The following AGAP1 variants were observed in gnomAD, a reference collection of about 807,000 sequenced individuals.
AGAP1 encodes the protein arf-GAP with GTPase, ANK repeat and PH domain-containing protein 1.
Under a neutral mutation model 105.3 loss-of-function variants are expected in AGAP1, and 29 were observed. That is an observed-to-expected ratio of 0.28 (90% CI 0.21 to 0.38). AGAP1 has a LOEUF of 0.38. AGAP1 is among the 10% of genes least tolerant of loss of function. The pLI, the probability that AGAP1 is intolerant of heterozygous loss-of-function variation, is 1.00. For synonymous variants in AGAP1, 509 were observed against 485.9 expected (o/e 1.05, Z -0.63); for missense variants, 998 against 1,165.1 (o/e 0.86, Z 2.09).
intron 9 of AGAP1, among the ~76,000 whole-genome samples, chr2:235,820,041 T>C (rs1958704099): frequency 6.6e-6 from 1 of 151,920 alleles, no homozygotes; most frequent in African/African-American, 2.4e-5. Flanking sequence ...CTAGCTGAGA[T>C]TACAGGCATT....
At position 235,721,848 on chromosome 2, in the gene AGAP1, A is replaced by T. The variant is rs551231915; in HGVS notation, c.310+4204A>T. Among the ~76,000 whole-genome samples, 1 of 152,268 alleles carries T rather than the reference A, an allele frequency of 6.6e-6. No homozygotes were observed. The highest frequency in any genetic ancestry group is 2.1e-4 in the South Asian group (1 of 4,826). ...ATTTCTGGTGCAGAGCCGTCTCCAG[A>T]TCCAGGCCTCCTTTTCAGCAGATAC... is the stretch of plus-strand genomic sequence containing the variant. On this transcript the variant is annotated intron_variant, in intron 3 of 17. Coordinates refer to ENST00000304032, the MANE Select transcript of AGAP1 (RefSeq NM_001037131.3). This position sits in a 1 kb window ranked among gnomAD's most constrained non-coding sequence, Gnocchi z 4.5.
chr2:236,036,744 G>C lies in AGAP1; in HGVS notation c.1800+29G>C. 1 of 1,613,290 alleles carries C rather than the reference G, an allele frequency of 6.2e-7. No homozygotes were observed. The highest frequency in any genetic ancestry group is 2.2e-5 in the East Asian group (1 of 44,876). ...AGGCCCCTGGCTGCCCAAAACCAAG[G>C]CTGGGGCTGCTCAGGGGGAGTGCGG... is the stretch of plus-strand genomic sequence containing the variant. On this transcript the variant is annotated intron_variant, in intron 14 of 17. Coordinates refer to ENST00000304032, the MANE Select transcript of AGAP1 (RefSeq NM_001037131.3). The surrounding 1 kb of genome is among the most constrained non-coding windows in gnomAD (Gnocchi z 5.7).
intron 9 of AGAP1, among the ~76,000 whole-genome samples, chr2:235,881,181 C>T (rs900685129): frequency 2.0e-5 from 3 of 152,026 alleles, no homozygotes; most frequent in African/African-American, 4.8e-5. Flanking sequence ...AACTTGGTTA[C>T]GATCTAGTAA....
intron 13 of AGAP1, among the ~76,000 whole-genome samples, chr2:235,968,910 G>C (rs2054523184): frequency 1.3e-5 from 2 of 152,162 alleles, no homozygotes; most frequent in Non-Finnish European, 2.9e-5. Flanking sequence ...CCAGTTCTGA[G>C]GTCTCGCCCC....
intron 6 of AGAP1, among the ~76,000 whole-genome samples, chr2:235,756,843 C>T (rs1215873198): frequency 6.6e-6 from 1 of 152,164 alleles, no homozygotes; most frequent in African/African-American, 2.4e-5. Context: ...GGAACCGTTT[C>T]ATCCCAAAAC....
rs1409584836 is a variant in AGAP1, at chr2:235,889,030, A to G, written c.1155+5581A>G. On this transcript the variant is annotated intron_variant, in intron 10 of 17. Coordinates refer to ENST00000304032, the MANE Select transcript of AGAP1 (RefSeq NM_001037131.3). This position sits in a 1 kb window ranked among gnomAD's most constrained non-coding sequence, Gnocchi z 4.6. ...GTCATTTCTGTTCCTGAGGTATCTG[A>G]ACACAGTTTGCTTATTGCACAAGTG... 6.6e-6 allele frequency among the ~76,000 whole-genome samples: 1 copy of G among 152,210 alleles called. No homozygotes were observed. The highest frequency in any genetic ancestry group is 1.5e-5 in the Non-Finnish European group (1 of 68,044).
At chr2:235,546,409 G>A (rs1267121673) in intron 1 of AGAP1, among the ~76,000 whole-genome samples, 5 of 152,112 alleles carry the variant, frequency 3.3e-5, no homozygotes, top group African/African-American at 1.2e-4. Context: ...TCTGGAAGTA[G>A]CCAGGTTTTA....
In AGAP1 at chr2:235,879,726, G is replaced by A. The variant is rs555750362; in HGVS notation, c.1051-3619G>A. Among the ~76,000 whole-genome samples the A allele has an allele frequency of 4.6e-5, 7 of 151,922 alleles. No homozygotes were observed. The highest frequency in any genetic ancestry group is 2.1e-4 in the South Asian group (1 of 4,794). ...GAGGATTGCTTGAGCCCAGGAGTTC[G>A]AGACCAGCCTGGGCAAGATGATGAG... is the stretch of plus-strand genomic sequence containing the variant. On this transcript the variant is annotated intron_variant, in intron 9 of 17. Transcript: ENST00000304032. The surrounding 1 kb of genome is among the most constrained non-coding windows in gnomAD (Gnocchi z 5.0).
In AGAP1 at chr2:235,750,290, A is replaced by T. The variant is rs1342023275; in HGVS notation, c.539-64A>T. ...GGTACTGGTTTTCCGTGTTGTGGGG[A>T]GTGTAGGAAGTATTTAGAGCTGTCA... On this transcript the variant is annotated intron_variant, in intron 5 of 17. Coordinates refer to ENST00000304032, the MANE Select transcript of AGAP1 (RefSeq NM_001037131.3). The surrounding 1 kb of genome is among the most constrained non-coding windows in gnomAD (Gnocchi z 5.3). The T allele has an allele frequency of 4.3e-5, 68 of 1,597,792 alleles. No individual in the cohort carries two copies. Among genetic ancestry groups the T allele is most frequent in the Non-Finnish European group, 5.7e-5 (67 of 1,166,800 alleles).
At position 235,904,684 on chromosome 2, in the gene AGAP1, C is replaced by T. The variant is rs1163541682; in HGVS notation, c.1156-4054C>T. On this transcript the variant is annotated intron_variant, in intron 10 of 17. Transcript: ENST00000304032. This position sits in a 1 kb window ranked among gnomAD's most constrained non-coding sequence, Gnocchi z 4.2. ...TCAGACCCGTGAAGGGTCTGCACAGCCCCTTGACTTCTACGGAGGACATTG... is the reference window on the plus strand; with the variant it reads ...TCAGACCCGTGAAGGGTCTGCACAGTCCCTTGACTTCTACGGAGGACATTG... Among the ~76,000 whole-genome samples, 2 of 152,146 alleles carry T rather than the reference C, an allele frequency of 1.3e-5. No homozygotes were observed. The highest frequency in any genetic ancestry group is 2.9e-5 in the Non-Finnish European group (2 of 68,040).
At chr2:235,653,494 TAAAATATAACATAAC>T (rs1423167636) in intron 1 of AGAP1, among the ~76,000 whole-genome samples, 35 of 146,082 alleles carry the variant, frequency 2.4e-4, no homozygotes, top group East Asian at 8.2e-4. Flanking sequence ...TAAAATAAAA[TAAAATATAACATAAC>T]ATAACATAAC....
chr2:235,604,520 T>C (rs1486858226), intron 1 of AGAP1, among the ~76,000 whole-genome samples: 1 of 151,092 alleles, frequency 6.6e-6, no homozygotes, highest in Non-Finnish European at 1.5e-5. Context: ...CTGTCCTCTT[T>C]ATGCCAGTTC....
rs1355706426 is a variant in AGAP1, at chr2:236,053,921, C to CT, written c.2114+4645dup. Among the ~76,000 whole-genome samples, 1 of 152,212 alleles carries CT rather than the reference C, an allele frequency of 6.6e-6. No homozygotes were observed. Among genetic ancestry groups the CT allele is most frequent in the Non-Finnish European group, 1.5e-5 (1 of 68,036 alleles). ...GTATTCTTTTCCCTTTTTTAGCATC[C>CT]TTTTTCTTTTTCTTCCCCCCATTAT... On this transcript the variant is annotated intron_variant, in intron 16 of 17. Coordinates refer to ENST00000304032, the MANE Select transcript of AGAP1 (RefSeq NM_001037131.3). The surrounding 1 kb of genome is among the most constrained non-coding windows in gnomAD (Gnocchi z 4.6).
Position 235,976,923 on chromosome 2 carries a change from G to T in AGAP1, c.1645+8300G>T, listed in dbSNP as rs2054884619. Among the ~76,000 whole-genome samples the T allele has an allele frequency of 1.3e-5, 2 of 152,178 alleles. No homozygotes were observed. The highest frequency in any genetic ancestry group is 4.8e-5 in the African/African-American group (2 of 41,432). Reference sequence around the variant, plus strand: ...GCTTGGAGCTCCTGGGGGTACCTAGGCAACTCCTGACGCCACAGACAAGCA... The same window carrying T: ...GCTTGGAGCTCCTGGGGGTACCTAGTCAACTCCTGACGCCACAGACAAGCA... On this transcript the variant is annotated intron_variant, in intron 13 of 17. Coordinates refer to ENST00000304032, the MANE Select transcript of AGAP1 (RefSeq NM_001037131.3). This position sits in a 1 kb window ranked among gnomAD's most constrained non-coding sequence, Gnocchi z 4.5.
rs11691492 is a variant in AGAP1, at chr2:236,073,414, A to G, written c.2114+24133A>G. ...GGCCACATGTGGCCCATGTTTGGCA[A>G]TCATGGGTCTAGATAGCTTATCAGG... On this transcript the variant is annotated intron_variant, in intron 16 of 17. Transcript: ENST00000304032. The surrounding 1 kb of genome is among the most constrained non-coding windows in gnomAD (Gnocchi z 5.4). Among the ~76,000 whole-genome samples the G allele has an allele frequency of 0.16, 23,867 of 152,112 alleles. 2,448 individuals carry two copies. Among genetic ancestry groups the G allele is most frequent in the African/African-American group, 0.28 (11,686 of 41,466 alleles).
intron 16 of AGAP1, among the ~76,000 whole-genome samples, chr2:236,059,626 G>A (rs1371466709): frequency 2.6e-5 from 4 of 152,154 alleles, no homozygotes; most frequent in African/African-American, 9.7e-5. Flanking sequence ...AGACACACAC[G>A]TCAATGAAGC....
chr2:235,891,332 T>C lies in AGAP1; in HGVS notation c.1155+7883T>C, dbSNP rs1262158396. Among the ~76,000 whole-genome samples, 1 of 152,210 alleles carries C rather than the reference T, an allele frequency of 6.6e-6. No individual in the cohort carries two copies. Among genetic ancestry groups the C allele is most frequent in the African/African-American group, 2.4e-5 (1 of 41,458 alleles). ...ACATTTTTGTGTCTTTGAAAAATTG[T>C]ATGTCTCCAAGACCTTTAAAAAGCC... is the stretch of plus-strand genomic sequence containing the variant. On this transcript the variant is annotated intron_variant, in intron 10 of 17. Coordinates refer to ENST00000304032, the MANE Select transcript of AGAP1 (RefSeq NM_001037131.3). This position sits in a 1 kb window ranked among gnomAD's most constrained non-coding sequence, Gnocchi z 4.2.
At position 235,877,357 on chromosome 2, in the gene AGAP1, C is replaced by T. The variant is rs186804175; in HGVS notation, c.1051-5988C>T. 4.5e-3 allele frequency among the ~76,000 whole-genome samples: 679 copies of T among 152,176 alleles called. 7 individuals carry two copies. The highest frequency in any genetic ancestry group is 0.015 in the African/African-American group (622 of 41,504). On this transcript the variant is annotated intron_variant, in intron 9 of 17. Transcript: ENST00000304032. The surrounding 1 kb of genome is among the most constrained non-coding windows in gnomAD (Gnocchi z 4.3). ...TAATGTTAAGGATGATGATGTTTTG[C>T]TGAAACAAAATGACGGCCATCCGTG...
rs546856551 is a variant in AGAP1, at chr2:236,009,033, C to G, written c.1646-27528C>G. On this transcript the variant is annotated intron_variant, in intron 13 of 17. Coordinates refer to ENST00000304032, the MANE Select transcript of AGAP1 (RefSeq NM_001037131.3). This position sits in a 1 kb window ranked among gnomAD's most constrained non-coding sequence, Gnocchi z 4.2. ...GGCCTCGGGTTTTGTTTAATCCCTT[C>G]AAAGGCCCTTTGAACTGATGTTTCA... 2.0e-5 allele frequency among the ~76,000 whole-genome samples: 3 copies of G among 152,286 alleles called. No individual in the cohort carries two copies. Among genetic ancestry groups the G allele is most frequent in the African/African-American group, 4.8e-5 (2 of 41,560 alleles).
Sources: gnomAD v4.1 joint callset for allele counts (sites outside exome capture counted in the v4.1 genomes callset) on GRCh38, gnomAD v4.1.1 for gene constraint, Gnocchi (gnomAD v3.1) non-coding constraint, MANE v1.5 for transcripts, NCBI Gene and HGNC (gene_info 2026-07-23, HGNC 2026-07-21) for gene names.